The following TUSC3 variants were observed in gnomAD, a reference collection of about 807,000 sequenced individuals.
The protein encoded by TUSC3 is dolichyl-diphosphooligosaccharide--protein glycosyltransferase subunit TUSC3.
Under a neutral mutation model 44.8 loss-of-function variants are expected in TUSC3, and 45 were observed. The observed-to-expected ratio is 1.00, with a 90% CI of 0.79 to 1.29. TUSC3 has a LOEUF of 1.29. Ranked by LOEUF, TUSC3 falls within the 50% of genes most tolerant of loss-of-function variation. TUSC3 has a pLI of 0.00. For synonymous variants in TUSC3, 212 were observed against 152.9 expected, an observed-to-expected ratio of 1.39 and a Z score of -2.85; for missense variants, 519 against 437.9, an observed-to-expected ratio of 1.19 and a Z score of -1.65.
rs190577696 is a variant in TUSC3 at position 15,654,644 on chromosome 8, A to G, written c.426+3830A>G. Among the ~76,000 whole-genome samples the G allele has an allele frequency of 3.2e-3, 491 of 152,194 alleles. 7 individuals are homozygous for G. The highest frequency in any genetic ancestry group is 0.011 in the African/African-American group (455 of 41,528). Reference sequence around the variant, plus strand: ...AACCCCCATCTCTACTAAAAATACAAAAATTAGCCAGGTGTGATGGCACAT... The same window carrying G: ...AACCCCCATCTCTACTAAAAATACAGAAATTAGCCAGGTGTGATGGCACAT... On this transcript the variant is annotated intron_variant, in intron 3 of 10. Transcript: ENST00000503731.
chr8:15,461,336 C>G (rs748218511), intron 1 of TUSC3, among the ~76,000 whole-genome samples: 5 of 151,982 alleles, frequency 3.3e-5, no homozygotes, highest in Non-Finnish European at 5.9e-5. Flanking sequence ...TGATTCTCTG[C>G]TTGGTCACTG....
intron 1 of TUSC3, among the ~76,000 whole-genome samples, chr8:15,436,840 A>G (rs896936227): frequency 6.6e-6 from 1 of 152,176 alleles, no homozygotes; most frequent in African/African-American, 2.4e-5. Flanking sequence ...GTGTATAGGA[A>G]GAGGCACAGT....
intron 9 of TUSC3, among the ~76,000 whole-genome samples, chr8:15,749,833 T>C (rs1254696806): frequency 1.4e-5 from 2 of 146,936 alleles, no homozygotes; most frequent in Non-Finnish European, 3.0e-5. Context: ...AACTGTAAAT[T>C]AAGAAAAATA....
At chr8:15,813,457 C>T in the TUSC3 span, among the ~76,000 whole-genome samples, 2 of 143,178 alleles carry the variant, frequency 1.4e-5, no homozygotes, top group Non-Finnish European at 2.9e-5. Flanking sequence ...TAATACCATC[C>T]TGTAAGTTCT....
At chr8:15,476,019 T>C (rs1471598829) in intron 1 of TUSC3, among the ~76,000 whole-genome samples, 3 of 152,220 alleles carry the variant, frequency 2.0e-5, no homozygotes, top group Non-Finnish European at 4.4e-5. Context: ...CATCAAGCTT[T>C]GAAAGATATC....
intron 1 of TUSC3, among the ~76,000 whole-genome samples, chr8:15,608,469 A>C (rs1433697229): frequency 2.0e-5 from 3 of 152,110 alleles, no homozygotes; most frequent in Admixed American, 6.6e-5. Context: ...CTTCCACATG[A>C]AGTGTGATGT....
At chr8:15,635,019 C>G (rs1806000918) in intron 2 of TUSC3, among the ~76,000 whole-genome samples, 1 of 152,100 alleles carries the variant, frequency 6.6e-6, no homozygotes, top group South Asian at 2.1e-4. Flanking sequence ...CAAGAGAACT[C>G]AGTGACTGAA....
At chr8:15,508,376 G>A (rs1801086398) in intron 2 of TUSC3, among the ~76,000 whole-genome samples, 1 of 151,954 alleles carries the variant, frequency 6.6e-6, no homozygotes, top group Non-Finnish European at 1.5e-5. Flanking sequence ...AGATCTCAGG[G>A]AGGGAGAAAG....
intron 2 of TUSC3, among the ~76,000 whole-genome samples, chr8:15,625,827 GAGAACATGGTGAGCAAAAT>G (rs1375717539): frequency 6.6e-6 from 1 of 152,200 alleles, no homozygotes; most frequent in African/African-American, 2.4e-5. Context: ...AAAGTGAGTA[GAGAACATGGTGAGCAAAAT>G]ATTTTGAAAA....
intron 2 of TUSC3, among the ~76,000 whole-genome samples, chr8:15,628,169 ATTT>A: frequency 1.3e-5 from 2 of 152,188 alleles, no homozygotes; most frequent in Admixed American, 1.3e-4. Flanking sequence ...GAATGTATTG[ATTT>A]CCTAAAATCA....
chr8:15,744,338 G>C (rs980102844), intron 8 of TUSC3, among the ~76,000 whole-genome samples: 1 of 152,062 alleles, frequency 6.6e-6, no homozygotes, highest in Non-Finnish European at 1.5e-5. Flanking sequence ...GTGCTCTGAG[G>C]AGCAAAGGAC....
intron 1 of TUSC3, among the ~76,000 whole-genome samples, chr8:15,548,188 T>G (rs1186600246): frequency 6.6e-6 from 1 of 151,612 alleles, no homozygotes; most frequent in Non-Finnish European, 1.5e-5. Flanking sequence ...CGAAGACAAT[T>G]GTATATAATT....
chr8:15,738,115 C>T (rs1370900945), intron 7 of TUSC3, among the ~76,000 whole-genome samples: 1 of 152,092 alleles, frequency 6.6e-6, no homozygotes, highest in East Asian at 1.9e-4. Context: ...CTGCTCTTTT[C>T]TTGTTAAAGC....
the TUSC3 span, among the ~76,000 whole-genome samples, chr8:15,792,119 A>AAC: frequency 0.01 from 1,571 of 150,354 alleles, 21 homozygotes; most frequent in African/African-American, 0.034. Context: ...GCCAACCTCT[A>AAC]ACACACACAC....
intron 1 of TUSC3, among the ~76,000 whole-genome samples, chr8:15,478,932 C>A (rs147987646): frequency 0.06 from 9,098 of 152,152 alleles, 292 homozygotes; most frequent in South Asian, 0.1. Flanking sequence ...TCCACAGCCT[C>A]GCCAGCAACT....
chr8:15,445,001 T>C (rs956964388), intron 1 of TUSC3, among the ~76,000 whole-genome samples: 1 of 152,162 alleles, frequency 6.6e-6, no homozygotes, highest in African/African-American at 2.4e-5. Flanking sequence ...TCCTGTGCTA[T>C]GTCAGTTTAG....
At chr8:15,640,066 C>T (rs1250863670) in intron 2 of TUSC3, among the ~76,000 whole-genome samples, 2 of 152,120 alleles carry the variant, frequency 1.3e-5, no homozygotes, top group Non-Finnish European at 1.5e-5. Context: ...AATTTTTCCA[C>T]CATTACTTAG....
At position 15,517,522 on chromosome 8, in the gene TUSC3, CAAAAAAAAAAAA is replaced by C. The variant is rs71211049; in HGVS notation, n.189+34062_189+34073del. Among the ~76,000 whole-genome samples the C allele has an allele frequency of 1.0e-4, 8 of 77,572 alleles. No homozygotes were observed. The East Asian group carries it at 1.6e-3, about 16-fold the overall frequency. The allele number at this position is 77,572 out of a possible 152,430, so 50.9% of individuals were successfully genotyped here. The stretch of plus-strand genomic sequence containing the variant: ...GAGCTTCCTAACATTTAGCGTGAGG[CAAAAAAAAAAAA>C]AAAAAAAAAAAAAAAAAAAAAAGCC... On this transcript the variant is annotated intron_variant and non_coding_transcript_variant, in intron 2 of 5. Transcript: ENST00000503191.
intron 1 of TUSC3, among the ~76,000 whole-genome samples, chr8:15,590,921 G>A (rs1329250658): frequency 6.6e-6 from 1 of 152,090 alleles, no homozygotes; most frequent in African/African-American, 2.4e-5. Context: ...CAGTCTGTGT[G>A]CCTTGGCCTC....
Sources: allele counts gnomAD v4.1 joint callset (sites outside exome capture counted in the v4.1 genomes callset), GRCh38; gene constraint gnomAD v4.1.1; transcripts MANE v1.5; gene names NCBI Gene and HGNC (gene_info 2026-07-23, HGNC 2026-07-21).